MINDY4: variants seen among roughly 807,000 people sequenced by gnomAD.
MINDY4 encodes the protein probable ubiquitin carboxyl-terminal hydrolase MINDY-4.
MINDY4 carries 68 observed loss-of-function variants against 87.0 expected under a neutral mutation model. That is an observed-to-expected ratio of 0.78 (90% CI 0.64 to 0.96). MINDY4 has a LOEUF of 0.96. Among genes scored for constraint, MINDY4 ranks in the 40% least tolerant of loss-of-function variants. The pLI is 0.00. For missense variants in MINDY4, 919 were observed against 928.2 expected, an observed-to-expected ratio of 0.99 and a Z score of 0.13; for synonymous variants, 379 against 363.2, an observed-to-expected ratio of 1.04 and a Z score of -0.50.
intron 9 of MINDY4, among the ~76,000 whole-genome samples, chr7:30,844,540 A>G (rs1426329374): frequency 6.6e-6 from 1 of 152,158 alleles, no homozygotes; most frequent in Admixed American, 6.5e-5. Context: ...GCTTCTGTCA[A>G]GTGAAGACCC....
rs750875113 is a variant in MINDY4, at chr7:30,782,019, A to G, written c.226A>G (p.Arg76Gly). The G allele has an allele frequency of 1.2e-6, 2 of 1,614,160 alleles. No homozygotes were observed. Among genetic ancestry groups the G allele is most frequent in the Non-Finnish European group, 1.7e-6 (2 of 1,180,018 alleles). ...AAAAACAAGCCTTGAACTCATCACC[A>G]GATACTTTCTGGATCACTTTGGAAA... ...PLKTSLELIT[R>G]YFLDHFGNTA... The change falls in exon 3 of 18, where the codon AGA (arginine) becomes GGA (glycine). Residue 76 changes from arginine (R) to glycine (G), a missense_variant. By Grantham distance (125) the Arg-to-Gly change is moderately radical. Coordinates refer to ENST00000265299, the MANE Select transcript of MINDY4 (RefSeq NM_032222.3).
intron 1 of MINDY4, among the ~76,000 whole-genome samples, chr7:30,773,843 C>G (rs1786718622): frequency 6.6e-6 from 1 of 152,198 alleles, no homozygotes; most frequent in African/African-American, 2.4e-5. Flanking sequence ...ATTGTTCCTG[C>G]CAACTTTTCA....
intron 13 of MINDY4, among the ~76,000 whole-genome samples, chr7:30,865,604 C>T (rs1789909083): frequency 6.6e-6 from 1 of 152,044 alleles, no homozygotes; most frequent in Non-Finnish European, 1.5e-5. Flanking sequence ...CTCTGGAGAC[C>T]CTGTGCAGAC....
At chr7:30,873,043 A>G (rs1370414555) in intron 14 of MINDY4, among the ~76,000 whole-genome samples, 3 of 152,302 alleles carry the variant, frequency 2.0e-5, no homozygotes, top group Non-Finnish European at 2.9e-5. Context: ...TCTGGGCCCA[A>G]CTGAGGACTC....
intron 5 of MINDY4, among the ~76,000 whole-genome samples, chr7:30,812,344 A>C (rs1788029864): frequency 6.6e-6 from 1 of 152,150 alleles, no homozygotes; most frequent in Non-Finnish European, 1.5e-5. Context: ...TGTCACTATA[A>C]GTGAAGGGTA....
At position 30,815,029 on chromosome 7, in the gene MINDY4, CCT is replaced by C. The variant is rs544100351; in HGVS notation, c.1074-13646_1074-13645del. On this transcript the variant is annotated intron_variant, in intron 5 of 17. Transcript: ENST00000265299. ...GAGTTTAGTGTTTTGTGGGACTCAG[CCT>C]CTCGTTGGTGCAGCTTACTTCCCTG... 1.3e-4 allele frequency among the ~76,000 whole-genome samples: 20 copies of C among 152,298 alleles called. No individual in the cohort carries two copies. The East Asian group carries it at 2.9e-3, about 22-fold the overall frequency.
intron 3 of MINDY4, among the ~76,000 whole-genome samples, chr7:30,782,439 C>T (rs541579105): frequency 2.6e-5 from 4 of 152,140 alleles, no homozygotes; most frequent in Admixed American, 1.3e-4. Flanking sequence ...CAGTGGCTCA[C>T]GCCTGTAATC....
intron 9 of MINDY4, among the ~76,000 whole-genome samples, chr7:30,849,647 C>G (rs1024272998): frequency 6.6e-5 from 10 of 152,186 alleles, no homozygotes; most frequent in African/African-American, 2.4e-4. Context: ...TCCGCTGATT[C>G]CTTAGAGTTC....
intron 5 of MINDY4, among the ~76,000 whole-genome samples, chr7:30,821,861 C>A (rs62446951): frequency 0.18 from 27,424 of 151,974 alleles, 3,113 homozygotes; most frequent in African/African-American, 0.31. Context: ...AAATATTTTT[C>A]CAAATTTTAA....
intron 8 of MINDY4, 116 bp downstream of exon 8, chr7:30,839,432 G>T (rs1788965908): frequency 1.6e-6 from 1 of 609,056 alleles, no homozygotes. Context: ...TTCTGGACCA[G>T]CCAGCCCCAC....
chr7:30,812,341 A>AT (rs1788029684), intron 5 of MINDY4, among the ~76,000 whole-genome samples: 1 of 152,240 alleles, frequency 6.6e-6, no homozygotes, highest in Non-Finnish European at 1.5e-5. Flanking sequence ...ATTTGTCACT[A>AT]TAAGTGAAGG....
At chr7:30,860,865 G>A (rs777885914) in intron 13 of MINDY4, among the ~76,000 whole-genome samples, 9 of 152,168 alleles carry the variant, frequency 5.9e-5, no homozygotes, top group Non-Finnish European at 1.3e-4. Flanking sequence ...TGGGGAATTA[G>A]TGTGGGGAAT....
At chr7:30,856,601 A>G (rs954045549) in intron 12 of MINDY4, among the ~76,000 whole-genome samples, 5 of 152,022 alleles carry the variant, frequency 3.3e-5, no homozygotes, top group Non-Finnish European at 5.9e-5. Flanking sequence ...GGGGAAACAG[A>G]CCACAGACCA....
At chr7:30,828,779 C>T in intron 6 of MINDY4, 42 bp downstream of exon 6, 1 of 1,603,178 alleles carries the variant, frequency 6.2e-7, no homozygotes, top group Non-Finnish European at 8.5e-7. Flanking sequence ...CATCAGGGCC[C>T]AAGGGGTCCT....
chr7:30,846,106 G>C (rs1446540433), intron 9 of MINDY4, among the ~76,000 whole-genome samples: 1 of 152,150 alleles, frequency 6.6e-6, no homozygotes, highest in Non-Finnish European at 1.5e-5. Context: ...TGGGGAATTC[G>C]AGGCCCAGAT....
chr7:30,872,187 G>A (rs1267446572), intron 13 of MINDY4, 56 bp from the exon 14 acceptor site: 221 of 1,574,430 alleles, frequency 1.4e-4, no homozygotes, highest in Non-Finnish European at 7.0e-6. Context: ...CACCTAGCGA[G>A]GTTTGCAACC....
chr7:30,816,069 G>C (rs1011231482), intron 5 of MINDY4, among the ~76,000 whole-genome samples: 11 of 152,076 alleles, frequency 7.2e-5, no homozygotes, highest in African/African-American at 2.7e-4. Flanking sequence ...GATTAGACTA[G>C]ATGGTCTGGA....
intron 3 of MINDY4, among the ~76,000 whole-genome samples, chr7:30,785,388 G>A (rs1264706723): frequency 6.6e-6 from 1 of 152,170 alleles, no homozygotes; most frequent in Non-Finnish European, 1.5e-5. Flanking sequence ...TCAGTGGTGT[G>A]CGGCAAGGCT....
At chr7:30,775,841 C>T (rs1786793799) in intron 1 of MINDY4, among the ~76,000 whole-genome samples, 1 of 152,230 alleles carries the variant, frequency 6.6e-6, no homozygotes, top group Admixed American at 6.5e-5. Flanking sequence ...AACTCAATTT[C>T]TGATTTCCTG....
Sources: gnomAD v4.1 joint callset for allele counts (sites outside exome capture counted in the v4.1 genomes callset) on GRCh38, gnomAD v4.1.1 for gene constraint, MANE v1.5 for transcripts, NCBI Gene and HGNC (gene_info 2026-07-23, HGNC 2026-07-21) for gene names.